GTF3C1: variants seen among roughly 807,000 people sequenced by gnomAD.
GTF3C1 encodes the protein general transcription factor IIIC subunit 1, also known as general transcription factor 3C polypeptide 1.
A neutral mutation model predicts 226.7 loss-of-function variants in GTF3C1; 57 were observed. The observed-to-expected ratio is 0.25, with a 90% CI of 0.20 to 0.31. The LOEUF (loss-of-function observed/expected upper bound fraction) is 0.31, where lower values mean the gene tolerates loss of function less well. Ranked by LOEUF, GTF3C1 falls within the 10% of genes least tolerant of loss-of-function variation. The pLI, the probability that GTF3C1 is intolerant of heterozygous loss-of-function variation, is 1.00. For synonymous variants in GTF3C1, 1,090 were observed against 1,084.8 expected (o/e 1.00, Z -0.09); for missense variants, 2,217 against 2,776.1 (o/e 0.80, Z 4.53).
intron 10 of GTF3C1, among the ~76,000 whole-genome samples, chr16:27,505,150 A>G (rs2088465457): frequency 6.6e-6 from 1 of 152,190 alleles, no homozygotes; most frequent in African/African-American, 2.4e-5. Flanking sequence ...GACATTCCTT[A>G]TCAACTGTCT....
intron 11 of GTF3C1, among the ~76,000 whole-genome samples, chr16:27,501,617 T>A (rs1333301819): frequency 1.3e-5 from 2 of 152,350 alleles, no homozygotes; most frequent in East Asian, 1.9e-4. Context: ...GAGATCATGA[T>A]GGCAGGGAAA....
intron 2 of GTF3C1, among the ~76,000 whole-genome samples, chr16:27,544,802 C>G (rs2089138829): frequency 6.6e-6 from 1 of 152,078 alleles, no homozygotes; most frequent in Non-Finnish European, 1.5e-5. Context: ...ACTGTGAGCA[C>G]AAAGGAAAGA....
chr16:27,472,953 G>A (rs1181718298), intron 29 of GTF3C1, among the ~76,000 whole-genome samples: 1 of 152,202 alleles, frequency 6.6e-6, no homozygotes, highest in Non-Finnish European at 1.5e-5. Flanking sequence ...GTCTCACTCT[G>A]TTGCCCAGGC....
intron 12 of GTF3C1, among the ~76,000 whole-genome samples, chr16:27,500,157 C>T (rs145937884): frequency 1.3e-5 from 2 of 152,180 alleles, no homozygotes; most frequent in Non-Finnish European, 2.9e-5. Context: ...TCAGTGACTG[C>T]ACTCTTTGAA....
intron 20 of GTF3C1, 32 bp downstream of exon 20, chr16:27,489,570 C>T (rs2088200576): frequency 1.3e-6 from 2 of 1,565,388 alleles, no homozygotes; most frequent in African/African-American, 1.3e-5. Flanking sequence ...GCAGCCCAGT[C>T]CTGGCCGGCC....
intron 6 of GTF3C1, among the ~76,000 whole-genome samples, chr16:27,525,441 G>T (rs1043176220): frequency 2.0e-5 from 3 of 152,210 alleles, no homozygotes; most frequent in African/African-American, 7.2e-5. Context: ...TTTGCTCTAG[G>T]AAGGTTTCCT....
At chr16:27,516,893 A>G (rs1442386014) in intron 6 of GTF3C1, among the ~76,000 whole-genome samples, 6 of 152,090 alleles carry the variant, frequency 3.9e-5, no homozygotes, top group Non-Finnish European at 8.8e-5. Flanking sequence ...CTGGCCTCCC[A>G]AAGTAGAGGG....
chr16:27,490,886 A>C (rs567501998), intron 19 of GTF3C1, among the ~76,000 whole-genome samples: 8 of 152,338 alleles, frequency 5.3e-5, no homozygotes, highest in Non-Finnish European at 1.0e-4. Context: ...ATGCCTGATT[A>C]CTGGGGCTCA....
At chr16:27,465,766 T>A (rs2087779147) in intron 32 of GTF3C1, 1 of 567,726 alleles carries the variant, frequency 1.8e-6, no homozygotes, top group South Asian at 2.1e-5. Flanking sequence ...AACAGCTGAC[T>A]GGATTTCTCT....
In GTF3C1 at chr16:27,480,176, G is replaced by A. The variant is rs376430487; in HGVS notation, c.4196+903C>T. ...AGAGTGTGCCACTGCACTCCAGCCC[G>A]GGGGGCCGGGGTGAGACTCCATCTC... On this transcript the variant is annotated intron_variant, in intron 27 of 36. Coordinates refer to ENST00000356183, the MANE Select transcript of GTF3C1 (RefSeq NM_001520.4). Among the ~76,000 whole-genome samples, 8 of 150,046 alleles carry A rather than the reference G, an allele frequency of 5.3e-5. No individual in the cohort carries two copies. The South Asian group carries it at 8.5e-4, about 16-fold the overall frequency.
intron 6 of GTF3C1, among the ~76,000 whole-genome samples, chr16:27,524,503 A>G (rs1238816899): frequency 2.0e-5 from 3 of 152,230 alleles, no homozygotes; most frequent in Non-Finnish European, 4.4e-5. Flanking sequence ...TGAGGTATAC[A>G]GAGGTCAAAT....
intron 27 of GTF3C1, 109 bp from the exon 28 acceptor site, chr16:27,478,640 G>T: frequency 1.2e-6 from 1 of 809,816 alleles, no homozygotes. Flanking sequence ...GGGAGTGGGA[G>T]AAATGTTAAA....
chr16:27,530,820 C>T (rs2088904044), intron 5 of GTF3C1, among the ~76,000 whole-genome samples: 1 of 152,180 alleles, frequency 6.6e-6, no homozygotes. Flanking sequence ...GACATGATCC[C>T]TGCGTCAGAA....
At chr16:27,485,627 T>A (rs1164624163) in intron 24 of GTF3C1, among the ~76,000 whole-genome samples, 1 of 152,106 alleles carries the variant, frequency 6.6e-6, no homozygotes, top group Non-Finnish European at 1.5e-5. Context: ...TAGGCAAACA[T>A]TTATATGTAT....
In GTF3C1 at chr16:27,488,331, C is replaced by A; in HGVS notation, c.3596G>T (p.Arg1199Leu). The A allele has an allele frequency of 6.2e-7, 1 of 1,614,078 alleles. No individual in the cohort carries two copies. Among genetic ancestry groups the A allele is most frequent in the South Asian group, 1.1e-5 (1 of 91,078 alleles). ...CCGGTTTCGGTCCAGCGAGGGCTCT[C>A]GGTCCACCTCAAACTGCTCTTCCCA... ...AGWEEQFEVD[R>L]EPSLDRNRRV... The change falls in exon 23 of 37, where the codon CGA (arginine) becomes CTA (leucine). Residue 1199 changes from arginine to leucine, a missense_variant. Physicochemically the swap from Arg to Leu is moderately radical, Grantham distance 102. Transcript: ENST00000356183.
At position 27,461,516 on chromosome 16, in the gene GTF3C1, G is replaced by A. The variant is rs768705491; in HGVS notation, c.6164C>T (p.Pro2055Leu). The change falls in exon 37 of 37, where the codon CCA becomes CTA. Residue 2055 changes from proline to leucine, a missense_variant. Physicochemically the swap from Pro to Leu is moderately conservative, Grantham distance 98. Coordinates refer to ENST00000356183, the MANE Select transcript of GTF3C1 (RefSeq NM_001520.4). This position sits in a 1 kb window ranked among gnomAD's most constrained non-coding sequence, Gnocchi z 5.3. The part of the protein sequence containing the change: ...GCIRKRWLRK[P>L]RPVSLFSTPV... The stretch of plus-strand genomic sequence containing the variant: ...TGTAGAGAAGAGCGAGACAGGCCTT[G>A]GCTTTCTCAGCCAGCGCTTCCGGAT... 20 of 1,613,852 alleles carry A rather than the reference G, an allele frequency of 1.2e-5. 1 individual carries two copies. The South Asian group carries it at 1.9e-4, about 15-fold the overall frequency.
At chr16:27,533,247 T>C (rs1263581935) in intron 5 of GTF3C1, 44 bp downstream of exon 5, 2 of 958,552 alleles carry the variant, frequency 2.1e-6, no homozygotes, top group Non-Finnish European at 3.4e-6. Flanking sequence ...CCGGCTATGG[T>C]ACAGATCACA....
At chr16:27,502,356 T>C (rs2088419554) in intron 11 of GTF3C1, among the ~76,000 whole-genome samples, 1 of 152,150 alleles carries the variant, frequency 6.6e-6, no homozygotes, top group African/African-American at 2.4e-5. Flanking sequence ...GTGGTGGTGA[T>C]GGGAGCTTAC....
chr16:27,510,123 C>T (rs1051192404), intron 7 of GTF3C1, among the ~76,000 whole-genome samples: 15 of 152,150 alleles, frequency 9.9e-5, no homozygotes, highest in Admixed American at 4.6e-4. Context: ...CTGTGGCTCA[C>T]GCCTGTAATC....
Sources: allele counts gnomAD v4.1 joint callset (sites outside exome capture counted in the v4.1 genomes callset), GRCh38; gene constraint gnomAD v4.1.1; non-coding constraint Gnocchi (gnomAD v3.1); transcripts MANE v1.5; gene names NCBI Gene and HGNC (gene_info 2026-07-23, HGNC 2026-07-21).